The following NT5DC1 variants were observed in gnomAD, a reference collection of about 807,000 sequenced individuals.
The protein encoded by NT5DC1 is 5'-nucleotidase domain-containing protein 1.
A neutral mutation model predicts 59.4 loss-of-function variants in NT5DC1; 42 were observed. The ratio of observed to expected loss-of-function variants is 0.71; its 90% CI spans 0.55 to 0.92. The LOEUF is 0.92. Ranked by LOEUF, NT5DC1 falls within the 40% of genes least tolerant of loss-of-function variation. NT5DC1 has a pLI of 0.00. For synonymous variants in NT5DC1, 172 were observed against 188.1 expected, an observed-to-expected ratio of 0.91 and a Z score of 0.70; for missense variants, 501 against 537.1, an observed-to-expected ratio of 0.93 and a Z score of 0.66.
At chr6:116,224,647 T>C (rs1008014185) in intron 8 of NT5DC1, among the ~76,000 whole-genome samples, 13 of 151,450 alleles carry the variant, frequency 8.6e-5, no homozygotes, top group African/African-American at 2.9e-4. Context: ...AGTAAGAGAG[T>C]AGTTTTGTCA....
At chr6:116,144,158 C>G (rs1434026702) in intron 6 of NT5DC1, among the ~76,000 whole-genome samples, 1 of 152,096 alleles carries the variant, frequency 6.6e-6, no homozygotes, top group Non-Finnish European at 1.5e-5. Context: ...TAATTGGAAT[C>G]CTTTTTATAA....
At chr6:116,168,660 C>T (rs967257560) in intron 6 of NT5DC1, among the ~76,000 whole-genome samples, 10 of 151,572 alleles carry the variant, frequency 6.6e-5, no homozygotes, top group African/African-American at 2.2e-4. Flanking sequence ...TATATTGTCT[C>T]CTTGAGTATC....
intron 6 of NT5DC1, chr6:116,122,092 T>G: frequency 1.1e-6 from 1 of 889,860 alleles, no homozygotes; most frequent in Non-Finnish European, 1.9e-6. Context: ...GACAGAACAG[T>G]CTGAAATGGT....
chr6:116,223,620 G>A (rs1438714229), intron 8 of NT5DC1, among the ~76,000 whole-genome samples: 2 of 152,116 alleles, frequency 1.3e-5, no homozygotes, highest in Non-Finnish European at 2.9e-5. Context: ...GTAGAGTGAG[G>A]TACTCATAGT....
At chr6:116,123,893 T>C (rs1779212080) in intron 6 of NT5DC1, among the ~76,000 whole-genome samples, 1 of 152,232 alleles carries the variant, frequency 6.6e-6, no homozygotes, top group Non-Finnish European at 1.5e-5. Flanking sequence ...TCTTTTTAAT[T>C]CAAGACTTTG....
intron 6 of NT5DC1, chr6:116,125,317 C>A (rs764481154): frequency 6.2e-7 from 1 of 1,611,018 alleles, no homozygotes; most frequent in Non-Finnish European, 8.5e-7. Context: ...GTTAATAGAA[C>A]AAAATATACA....
chr6:116,188,010 A>T (rs2114486770), intron 6 of NT5DC1, among the ~76,000 whole-genome samples: 1 of 152,184 alleles, frequency 6.6e-6, no homozygotes, highest in East Asian at 1.9e-4. Context: ...ACAGGAAGAC[A>T]GCAACCCAGT....
intron 6 of NT5DC1, among the ~76,000 whole-genome samples, chr6:116,170,259 TG>T (rs1329330928): frequency 5.3e-5 from 8 of 152,188 alleles, no homozygotes; most frequent in East Asian, 1.9e-4. Flanking sequence ...CACCAGTGAT[TG>T]GGGGGTGTGA....
chr6:116,178,114 T>TGCGTGC (rs1780792800), intron 6 of NT5DC1, among the ~76,000 whole-genome samples: 1 of 141,824 alleles, frequency 7.1e-6, no homozygotes, highest in African/African-American at 2.8e-5. Flanking sequence ...TGCGTGCGTG[T>TGCGTGC]GTGTGTGTGT....
intron 6 of NT5DC1, among the ~76,000 whole-genome samples, chr6:116,159,993 A>AT (rs1474297584): frequency 6.6e-6 from 1 of 151,948 alleles, no homozygotes; most frequent in Non-Finnish European, 1.5e-5. Flanking sequence ...TACATACCAC[A>AT]TTTTTTTTAT....
chr6:116,101,318 A>G (rs1228818847), intron 1 of NT5DC1, among the ~76,000 whole-genome samples: 1 of 152,138 alleles, frequency 6.6e-6, no homozygotes, highest in African/African-American at 2.4e-5. Context: ...GGTGATTTCT[A>G]GGGCCGAGGA....
At chr6:116,120,258 G>A in intron 6 of NT5DC1, 1 of 1,614,176 alleles carries the variant, frequency 6.2e-7, no homozygotes. Context: ...TACATTACAG[G>A]GGTGCCATTC....
At position 116,145,957 on chromosome 6, in the gene NT5DC1, G is replaced by T. The variant is rs535618602; in HGVS notation, c.529+28012G>T. Among the ~76,000 whole-genome samples, 5 of 152,308 alleles carry T rather than the reference G, an allele frequency of 3.3e-5. No individual in the cohort carries two copies. The South Asian group carries it at 8.3e-4, about 25-fold the overall frequency. ...CAATTTGGTATGCAGTCTAGTGTTT[G>T]TACAGAGCACTGTGCCAGGCAGAAA... On this transcript the variant is annotated intron_variant, in intron 6 of 11. Coordinates refer to ENST00000319550, the MANE Select transcript of NT5DC1 (RefSeq NM_152729.3).
intron 6 of NT5DC1, among the ~76,000 whole-genome samples, chr6:116,178,111 G>A (rs1266980134): frequency 8.6e-5 from 7 of 81,806 alleles, no homozygotes; most frequent in Non-Finnish European, 1.6e-4. Flanking sequence ...GCGTGCGTGC[G>A]TGTGTGTGTG....
chr6:116,131,863 C>G (rs1420854440), intron 6 of NT5DC1, among the ~76,000 whole-genome samples: 3 of 152,034 alleles, frequency 2.0e-5, no homozygotes, highest in Non-Finnish European at 4.4e-5. Context: ...GTGTGTTGTT[C>G]CTCTCTATGT....
intron 3 of NT5DC1, among the ~76,000 whole-genome samples, chr6:116,109,413 C>T (rs1778826489): frequency 6.6e-6 from 1 of 152,214 alleles, no homozygotes; most frequent in Non-Finnish European, 1.5e-5. Flanking sequence ...TTGTCTATGA[C>T]CTTTAACTCT....
intron 6 of NT5DC1, chr6:116,121,468 A>G (rs1422828068): frequency 3.1e-6 from 5 of 1,613,888 alleles, no homozygotes; most frequent in Non-Finnish European, 4.2e-6. Flanking sequence ...CCACTCCAGG[A>G]GGGCCAGATG....
chr6:116,141,552 A>G (rs1779763879), intron 6 of NT5DC1, among the ~76,000 whole-genome samples: 1 of 152,070 alleles, frequency 6.6e-6, no homozygotes, highest in Non-Finnish European at 1.5e-5. Context: ...GAATGATGGT[A>G]GAGAATGTTT....
intron 6 of NT5DC1, chr6:116,120,898 T>A (rs777942546): frequency 1.2e-6 from 2 of 1,613,874 alleles, no homozygotes; most frequent in African/African-American, 2.7e-5. Flanking sequence ...CTTTTGGACC[T>A]GGTAACCCTG....
Sources: gnomAD v4.1 joint callset for allele counts (sites outside exome capture counted in the v4.1 genomes callset) on GRCh38, gnomAD v4.1.1 for gene constraint, MANE v1.5 for transcripts, NCBI Gene and HGNC (gene_info 2026-07-23, HGNC 2026-07-21) for gene names.